RAD51B: variants seen among roughly 807,000 people sequenced by gnomAD.
RAD51B encodes the protein RAD51 paralog B.
RAD51B carries 38 observed loss-of-function variants against 42.2 expected under a neutral mutation model. The observed-to-expected ratio is 0.90, with a 90% CI of 0.70 to 1.18. The LOEUF (loss-of-function observed/expected upper bound fraction) is 1.18, where lower values mean the gene tolerates loss of function less well. RAD51B is among the 50% of genes most tolerant of loss of function. The pLI, the probability that RAD51B is intolerant of heterozygous loss-of-function variation, is 0.00. For missense variants in RAD51B, 373 were observed against 400.7 expected (o/e 0.93, Z 0.59); for synonymous variants, 154 against 145.2 (o/e 1.06, Z -0.43).
chr14:67,879,586 A>T (rs529051645), intron 5 of RAD51B, among the ~76,000 whole-genome samples: 1 of 152,118 alleles, frequency 6.6e-6, no homozygotes, highest in East Asian at 1.9e-4. Context: ...GGGACTACAG[A>T]TGTGAGCCAC....
intron 7 of RAD51B, among the ~76,000 whole-genome samples, chr14:68,288,890 A>G (rs571694567): frequency 1.3e-5 from 2 of 152,316 alleles, no homozygotes; most frequent in East Asian, 3.9e-4. Context: ...CAGAAGTTCC[A>G]CATTTTTTTT....
At chr14:68,402,360 C>T (rs2084130388) in intron 8 of RAD51B, among the ~76,000 whole-genome samples, 1 of 152,206 alleles carries the variant, frequency 6.6e-6, no homozygotes, top group African/African-American at 2.4e-5. Context: ...TTCCCCAGTT[C>T]AAATGGATGG....
intron 4 of RAD51B, among the ~76,000 whole-genome samples, chr14:67,855,930 G>A (rs2041983598): frequency 6.6e-6 from 1 of 152,196 alleles, no homozygotes; most frequent in African/African-American, 2.4e-5. Context: ...CTAGGCCTCT[G>A]TTCTAATACA....
At chr14:68,350,891 T>A (rs2082772570) in intron 8 of RAD51B, among the ~76,000 whole-genome samples, 1 of 152,220 alleles carries the variant, frequency 6.6e-6, no homozygotes, top group African/African-American at 2.4e-5. Flanking sequence ...GAACTACCAG[T>A]ACAACTTAAG....
chr14:68,316,233 A>G (rs967876113), intron 8 of RAD51B, among the ~76,000 whole-genome samples: 3 of 152,208 alleles, frequency 2.0e-5, no homozygotes, highest in Admixed American at 6.5e-5. Context: ...CACCTACCCA[A>G]GGGAGTCTGA....
At chr14:68,562,176 A>G (rs936097212) in intron 10 of RAD51B, 4 of 985,328 alleles carry the variant, frequency 4.1e-6, no homozygotes, top group Non-Finnish European at 4.8e-6. Context: ...CTTACAACGC[A>G]TCAAATTTTC....
chr14:68,478,465 T>C (rs1005090485), downstream of RAD51B, among the ~76,000 whole-genome samples: 6 of 152,242 alleles, frequency 3.9e-5, no homozygotes, highest in South Asian at 2.1e-4. Context: ...AATAAATCAA[T>C]TGGTGACCCG....
At position 67,851,310 on chromosome 14, in the gene RAD51B, G is replaced by T. The variant is rs35940469; in HGVS notation, c.316-13693G>T. Among the ~76,000 whole-genome samples the T allele has an allele frequency of 3.3e-5, 5 of 152,248 alleles. No individual in the cohort carries two copies. In the East Asian group the frequency reaches 9.7e-4, roughly 29 times the overall value. ...TCAGGTCCTGGCTGTGATGGGAAGG[G>T]GTGAGGGCTGATATCTGGGTGAGGG... On this transcript the variant is annotated intron_variant, in intron 4 of 10. Coordinates refer to ENST00000471583, the MANE Select transcript of RAD51B (RefSeq NM_133510.4).
chr14:68,391,071 A>G (rs1379649472), intron 8 of RAD51B, among the ~76,000 whole-genome samples: 7 of 152,190 alleles, frequency 4.6e-5, no homozygotes. Context: ...TCAGTTTAGG[A>G]TATGTTCACA....
chr14:68,458,738 G>T (rs2085767089), intron 9 of RAD51B, among the ~76,000 whole-genome samples: 1 of 151,354 alleles, frequency 6.6e-6, no homozygotes, highest in Admixed American at 6.6e-5. Flanking sequence ...ATTCAGATCA[G>T]CTTACTTTAT....
At chr14:68,213,677 C>T (rs1489640089) in intron 7 of RAD51B, among the ~76,000 whole-genome samples, 1 of 152,104 alleles carries the variant, frequency 6.6e-6, no homozygotes, top group East Asian at 1.9e-4. Context: ...CATCATGGAT[C>T]ATGGTGGCAG....
In RAD51B at chr14:68,635,712, C is replaced by A. The variant is rs1473828824; in HGVS notation, c.1037-15069C>A. 5.9e-5 allele frequency among the ~76,000 whole-genome samples: 9 copies of A among 152,340 alleles called. No homozygotes were observed. In the East Asian group the frequency reaches 1.7e-3, roughly 29 times the overall value. On this transcript the variant is annotated intron_variant, in intron 10 of 11. Coordinates refer to the RAD51B transcript ENST00000488612. ...AGTATATATTGATTCTGACTAGCCA[C>A]ATTTCAAATGCTCAGTTGCCCCTGG...
intron 7 of RAD51B, among the ~76,000 whole-genome samples, chr14:67,903,608 C>G (rs1342072181): frequency 1.3e-5 from 2 of 152,106 alleles, no homozygotes; most frequent in Non-Finnish European, 2.9e-5. Flanking sequence ...GTTAATAGAA[C>G]CCTAATCGTG....
At chr14:68,402,987 G>T (rs572426679) in intron 8 of RAD51B, among the ~76,000 whole-genome samples, 96 of 152,220 alleles carry the variant, frequency 6.3e-4, no homozygotes, top group Admixed American at 1.6e-3. Context: ...AGAACTGCAG[G>T]GTCCTGCTTT....
At chr14:67,886,069 A>G (rs1399482953) in intron 6 of RAD51B, 81 bp downstream of exon 6, 1 of 1,227,310 alleles carries the variant, frequency 8.1e-7, no homozygotes, top group Non-Finnish European at 1.1e-6. Flanking sequence ...TTCTAAGTGA[A>G]AAAAGTCTTT....
chr14:68,138,511 C>T (rs1332632546), intron 7 of RAD51B, among the ~76,000 whole-genome samples: 2 of 152,082 alleles, frequency 1.3e-5, no homozygotes, highest in African/African-American at 2.4e-5. Context: ...AAAAAAAATT[C>T]TCTTTTCTTG....
rs575066940 is a variant in RAD51B at position 67,826,193 on chromosome 14, A to G, written c.198+616A>G. 3.9e-5 allele frequency among the ~76,000 whole-genome samples: 6 copies of G among 152,296 alleles called. No homozygotes were observed. The South Asian group carries it at 1.2e-3, about 32-fold the overall frequency. ...ATTAGGTAGTATTTGATGGCCTCAT[A>G]GTTAAATTATAATCTTAATTTTAGA... On this transcript the variant is annotated intron_variant, in intron 3 of 10. Transcript: ENST00000471583.
rs555728254 is a variant in RAD51B at position 67,834,154 on chromosome 14, A to G, written c.199-926A>G. Among the ~76,000 whole-genome samples, 93 of 152,132 alleles carry G rather than the reference A, an allele frequency of 6.1e-4. 1 individual carries two copies. Among genetic ancestry groups the G allele is most frequent in the Non-Finnish European group, 1.2e-3 (81 of 68,026 alleles). On this transcript the variant is annotated intron_variant, in intron 3 of 10. Transcript: ENST00000471583. Reference sequence around the variant, plus strand: ...CTCTTTCAGCTTTTGGTGGCCATTAACATTCCTTGGCTTGTGGCTGCTTCT... The same window carrying G: ...CTCTTTCAGCTTTTGGTGGCCATTAGCATTCCTTGGCTTGTGGCTGCTTCT...
chr14:68,397,562 C>T (rs1224726993), intron 8 of RAD51B, among the ~76,000 whole-genome samples: 1 of 152,194 alleles, frequency 6.6e-6, no homozygotes, highest in Non-Finnish European at 1.5e-5. Flanking sequence ...ACTGTTTGGA[C>T]CTTGAAACTT....
Sources: gnomAD v4.1 joint callset for allele counts (sites outside exome capture counted in the v4.1 genomes callset) on GRCh38, gnomAD v4.1.1 for gene constraint, MANE v1.5 for transcripts, NCBI Gene and HGNC (gene_info 2026-07-23, HGNC 2026-07-21) for gene names.